The following DLG2 variants were observed in gnomAD, a reference collection of about 807,000 sequenced individuals.
The protein encoded by DLG2 is discs large MAGUK scaffold protein 2.
In DLG2, 45 loss-of-function variants were observed where a neutral mutation model predicts 132.5. That is an observed-to-expected ratio of 0.34 (90% CI 0.27 to 0.44). DLG2 has a LOEUF of 0.44. Ranked by LOEUF, DLG2 falls within the 20% of genes least tolerant of loss-of-function variation. The probability of loss-of-function intolerance (pLI) is 1.00; values close to 1 mark genes in which losing one functional copy is unlikely to be tolerated. For missense variants in DLG2, 1,045 were observed against 1,196.9 expected, an observed-to-expected ratio of 0.87 and a Z score of 1.87; for synonymous variants, 424 against 419.6, an observed-to-expected ratio of 1.01 and a Z score of -0.13.
At chr11:85,470,505 T>C (rs2092950479) in intron 3 of DLG2, among the ~76,000 whole-genome samples, 1 of 152,066 alleles carries the variant, frequency 6.6e-6, no homozygotes, top group African/African-American at 2.4e-5. Flanking sequence ...GGTGGATCAC[T>C]TGAGATCAGG....
At chr11:85,235,317 G>C (rs1218323601) in intron 4 of DLG2, among the ~76,000 whole-genome samples, 1 of 151,952 alleles carries the variant, frequency 6.6e-6, no homozygotes, top group East Asian at 1.9e-4. Context: ...AGGAAATACA[G>C]ATGGGCTTAT....
chr11:85,432,192 T>C (rs188306436), intron 3 of DLG2, among the ~76,000 whole-genome samples: 1 of 152,134 alleles, frequency 6.6e-6, no homozygotes. Flanking sequence ...AAAGATCGAA[T>C]CTAGACAAGT....
intron 7 of DLG2, among the ~76,000 whole-genome samples, chr11:84,473,423 C>A (rs2099113683): frequency 6.6e-6 from 1 of 152,100 alleles, no homozygotes; most frequent in East Asian, 1.9e-4. Context: ...CTTCTTAAGA[C>A]ATTGTTCCTG....
At position 85,489,852 on chromosome 11, in the gene DLG2, T is replaced by C. The variant is rs889215688; in HGVS notation, c.40+108805A>G. 2.3e-4 allele frequency among the ~76,000 whole-genome samples: 35 copies of C among 151,584 alleles called. 1 individual carries two copies. The highest frequency in any genetic ancestry group is 7.4e-5 in the Non-Finnish European group (5 of 67,936). On this transcript the variant is annotated intron_variant, in intron 3 of 27. Transcript: ENST00000376104. ...CAAATAAATTATGAAGGAATTTTTT[T>C]AATGTTTTCAACTTTTCTTTGAAAG...
At chr11:83,883,845 A>C (rs940758108) in intron 15 of DLG2, among the ~76,000 whole-genome samples, 1 of 152,186 alleles carries the variant, frequency 6.6e-6, no homozygotes, top group Non-Finnish European at 1.5e-5. Context: ...ATTCTTCACA[A>C]AGAAAATGAA....
At chr11:83,565,416 A>G (rs912386278) in intron 19 of DLG2, among the ~76,000 whole-genome samples, 1 of 152,228 alleles carries the variant, frequency 6.6e-6, no homozygotes, top group Non-Finnish European at 1.5e-5. Context: ...AGGATAATAT[A>G]ACAGTATCTT....
chr11:85,576,976 A>G (rs1034150634), intron 3 of DLG2, among the ~76,000 whole-genome samples: 1 of 152,086 alleles, frequency 6.6e-6, no homozygotes. Context: ...TGAAGCAGAA[A>G]GTTTATTCAA....
At chr11:84,351,835 A>G (rs2098575609) in intron 7 of DLG2, among the ~76,000 whole-genome samples, 1 of 152,202 alleles carries the variant, frequency 6.6e-6, no homozygotes, top group African/African-American at 2.4e-5. Flanking sequence ...ATGGAGGAGA[A>G]GTAGAATGGA....
intron 3 of DLG2, among the ~76,000 whole-genome samples, chr11:85,309,914 G>A (rs2080206640): frequency 6.6e-6 from 1 of 152,048 alleles, no homozygotes; most frequent in African/African-American, 2.4e-5. Context: ...GTTCCTTGAG[G>A]GTCAGGATTT....
chr11:85,086,764 T>C (rs2067984703), intron 6 of DLG2, among the ~76,000 whole-genome samples: 2 of 152,222 alleles, frequency 1.3e-5, no homozygotes, highest in Non-Finnish European at 2.9e-5. Context: ...TCTTCTTTTA[T>C]GAAGCAGTTT....
intron 10 of DLG2, among the ~76,000 whole-genome samples, chr11:84,071,047 A>T (rs1192130780): frequency 6.6e-6 from 1 of 152,064 alleles, no homozygotes; most frequent in African/African-American, 2.4e-5. Context: ...ACATTTTAAC[A>T]TATTTTTATT....
At chr11:84,677,735 T>C (rs938517994) in intron 6 of DLG2, among the ~76,000 whole-genome samples, 1 of 151,874 alleles carries the variant, frequency 6.6e-6, no homozygotes, top group African/African-American at 2.4e-5. Flanking sequence ...ATAATAATAA[T>C]AATAAAAATT....
chr11:85,081,210 T>G (rs986104777), intron 6 of DLG2, among the ~76,000 whole-genome samples: 2 of 152,188 alleles, frequency 1.3e-5, no homozygotes, highest in Non-Finnish European at 2.9e-5. Flanking sequence ...TCAAACCTGC[T>G]GAAAAGAGCA....
intron 6 of DLG2, among the ~76,000 whole-genome samples, chr11:84,926,922 G>T (rs1051995682): frequency 6.6e-6 from 1 of 151,984 alleles, no homozygotes; most frequent in African/African-American, 2.4e-5. Flanking sequence ...TCCCAGTAAT[G>T]CATGTAATTC....
At position 84,897,380 on chromosome 11, in the gene DLG2, C is replaced by A. The variant is rs571304531; in HGVS notation, c.357+214281G>T. ...CAATTATGAACAATAATGCTATAAG[C>A]AATATAGCTTAAGCATGTTCTGTTA... On this transcript the variant is annotated intron_variant, in intron 6 of 27. Transcript: ENST00000376104. Among the ~76,000 whole-genome samples, 22 of 151,830 alleles carry A rather than the reference C, an allele frequency of 1.4e-4. No individual in the cohort carries two copies. The East Asian group carries it at 4.3e-3, about 29-fold the overall frequency.
chr11:85,530,106 C>T (rs2075093751), intron 3 of DLG2, among the ~76,000 whole-genome samples: 1 of 149,578 alleles, frequency 6.7e-6, no homozygotes, highest in African/African-American at 2.5e-5. Context: ...AAGCGATTCT[C>T]CTGCCTCAGC....
At position 84,087,602 on chromosome 11, in the gene DLG2, G is replaced by A. The variant is rs539729860; in HGVS notation, c.749+11321C>T. Among the ~76,000 whole-genome samples, 9 of 152,262 alleles carry A rather than the reference G, an allele frequency of 5.9e-5. No individual in the cohort carries two copies. The East Asian group carries it at 1.5e-3, about 26-fold the overall frequency. ...GTAATTCAGTTAAGGATCTTGAGATGAGGTGACTTTCTTGGATTATCCTGG... is the reference window on the plus strand; with the variant it reads ...GTAATTCAGTTAAGGATCTTGAGATAAGGTGACTTTCTTGGATTATCCTGG... On this transcript the variant is annotated intron_variant, in intron 10 of 27. Coordinates refer to ENST00000376104, the MANE Select transcript of DLG2 (RefSeq NM_001142699.3).
chr11:83,830,130 A>G (rs1322483000), intron 17 of DLG2, among the ~76,000 whole-genome samples: 1 of 152,228 alleles, frequency 6.6e-6, no homozygotes, highest in Non-Finnish European at 1.5e-5. Context: ...TCAACTGAAA[A>G]AAGCAGATAA....
chr11:83,936,050 C>T (rs532594511), intron 14 of DLG2, among the ~76,000 whole-genome samples: 21 of 152,154 alleles, frequency 1.4e-4, no homozygotes, highest in Non-Finnish European at 2.8e-4. Context: ...CTTAGACACT[C>T]GAGCTCACAA....
Sources: gnomAD v4.1 joint callset for allele counts (sites outside exome capture counted in the v4.1 genomes callset) on GRCh38, gnomAD v4.1.1 for gene constraint, MANE v1.5 for transcripts, NCBI Gene and HGNC (gene_info 2026-07-23, HGNC 2026-07-21) for gene names.